The following COX7B2 variants were observed in gnomAD, a reference collection of about 807,000 sequenced individuals.
The protein encoded by COX7B2 is cytochrome c oxidase subunit 7B2.
For synonymous variants in COX7B2, 37 were observed against 32.1 expected, an observed-to-expected ratio of 1.15 and a Z score of -0.51; for missense variants, 109 against 95.9, an observed-to-expected ratio of 1.14 and a Z score of -0.57.
intron 2 of COX7B2, among the ~76,000 whole-genome samples, chr4:46,781,689 T>C (rs1256097517): frequency 1.3e-5 from 2 of 152,192 alleles, no homozygotes; most frequent in Non-Finnish European, 2.9e-5. Flanking sequence ...GGAGAGGGAA[T>C]GGTGGGAACC....
intron 2 of COX7B2, among the ~76,000 whole-genome samples, chr4:46,764,487 G>A (rs1716407947): frequency 6.6e-6 from 1 of 151,984 alleles, no homozygotes; most frequent in Non-Finnish European, 1.5e-5. Context: ...AGGTTGCAGT[G>A]AGCCGAGATC....
chr4:46,803,944 T>C (rs1270034177), intron 2 of COX7B2, among the ~76,000 whole-genome samples: 1 of 152,176 alleles, frequency 6.6e-6, no homozygotes. Flanking sequence ...GTTGTTGGTC[T>C]CACTGACTTC....
chr4:46,765,296 C>G (rs991095131), intron 2 of COX7B2, among the ~76,000 whole-genome samples: 1 of 150,492 alleles, frequency 6.6e-6, no homozygotes, highest in African/African-American at 2.4e-5. Context: ...CAAGCCTGTA[C>G]AGCATGGAGA....
At chr4:46,889,150 T>C (rs1719267349) in intron 1 of COX7B2, among the ~76,000 whole-genome samples, 1 of 151,728 alleles carries the variant, frequency 6.6e-6, no homozygotes, top group African/African-American at 2.4e-5. Context: ...AATGATAAAT[T>C]TAAAAAAATC....
At chr4:46,770,514 G>A (rs1462374699) in intron 2 of COX7B2, among the ~76,000 whole-genome samples, 2 of 151,908 alleles carry the variant, frequency 1.3e-5, no homozygotes, top group Admixed American at 1.3e-4. Flanking sequence ...GGAACCATAA[G>A]ATAAAAGAAT....
intron 2 of COX7B2, among the ~76,000 whole-genome samples, chr4:46,739,585 G>A (rs897379352): frequency 1.3e-5 from 2 of 152,068 alleles, no homozygotes; most frequent in Admixed American, 6.6e-5. Flanking sequence ...TTAGTTCACA[G>A]AGGAGGGGGC....
chr4:46,811,373 G>C (rs564708203), intron 2 of COX7B2, among the ~76,000 whole-genome samples: 1 of 151,306 alleles, frequency 6.6e-6, no homozygotes, highest in East Asian at 1.9e-4. Flanking sequence ...CATGTCAAAA[G>C]ACCTATACTG....
At chr4:46,829,950 A>T (rs1238040648) in intron 2 of COX7B2, among the ~76,000 whole-genome samples, 5 of 152,194 alleles carry the variant, frequency 3.3e-5, no homozygotes, top group African/African-American at 1.2e-4. Context: ...GTGAAGAAAT[A>T]ATTAAACGGA....
intron 1 of COX7B2, among the ~76,000 whole-genome samples, chr4:46,902,911 T>A (rs1489611305): frequency 1.3e-5 from 2 of 151,982 alleles, no homozygotes; most frequent in African/African-American, 2.4e-5. Context: ...AAATAAAAAA[T>A]TTGTAGTCAT....
chr4:46,839,857 A>C (rs928786135), intron 2 of COX7B2, among the ~76,000 whole-genome samples: 8 of 152,054 alleles, frequency 5.3e-5, no homozygotes, highest in African/African-American at 1.9e-4. Flanking sequence ...GTGGGTCTTA[A>C]TATATGGTTG....
At chr4:46,896,234 A>G (rs1348161454) in intron 1 of COX7B2, among the ~76,000 whole-genome samples, 1 of 152,194 alleles carries the variant, frequency 6.6e-6, no homozygotes, top group African/African-American at 2.4e-5. Context: ...TGGCATGCCC[A>G]TGAGACTGTC....
chr4:46,799,804 G>T (rs1186077914), intron 2 of COX7B2, among the ~76,000 whole-genome samples: 2 of 152,038 alleles, frequency 1.3e-5, no homozygotes, highest in African/African-American at 4.8e-5. Flanking sequence ...AAATTGTCCT[G>T]AAGTTTTATT....
chr4:46,768,657 A>G (rs549823375), intron 2 of COX7B2, among the ~76,000 whole-genome samples: 1 of 152,124 alleles, frequency 6.6e-6, no homozygotes, highest in Non-Finnish European at 1.5e-5. Context: ...CAAATAAACA[A>G]TCTAACTTTA....
chr4:46,863,942 G>A (rs1577671634), intron 1 of COX7B2, among the ~76,000 whole-genome samples: 1 of 152,108 alleles, frequency 6.6e-6, no homozygotes, highest in East Asian at 1.9e-4. Context: ...ATGTTTAATT[G>A]GCTATCGAAA....
intron 2 of COX7B2, among the ~76,000 whole-genome samples, chr4:46,751,596 A>G (rs1339165649): frequency 1.3e-5 from 2 of 152,150 alleles, no homozygotes; most frequent in African/African-American, 4.8e-5. Context: ...CAAGCTATTT[A>G]GCAACCACAA....
At chr4:46,809,100 G>A (rs1428643540) in intron 2 of COX7B2, among the ~76,000 whole-genome samples, 1 of 151,476 alleles carries the variant, frequency 6.6e-6, no homozygotes, top group African/African-American at 2.4e-5. Context: ...CCAATTTTTT[G>A]GCATTTAATT....
At chr4:46,818,367 C>T (rs1713990680) in intron 2 of COX7B2, among the ~76,000 whole-genome samples, 2 of 152,178 alleles carry the variant, frequency 1.3e-5, no homozygotes, top group Admixed American at 1.3e-4. Flanking sequence ...GGCGCCGTGG[C>T]TCACGCCTGT....
chr4:46,750,316 C>T (rs984370546), intron 2 of COX7B2, among the ~76,000 whole-genome samples: 1 of 151,782 alleles, frequency 6.6e-6, no homozygotes, highest in African/African-American at 2.4e-5. Flanking sequence ...ATTGCTTGAG[C>T]CCAGAAATTG....
intron 2 of COX7B2, among the ~76,000 whole-genome samples, chr4:46,830,647 T>A (rs1715018828): frequency 6.6e-6 from 1 of 152,198 alleles, no homozygotes; most frequent in Non-Finnish European, 1.5e-5. Context: ...CAATGCTAAC[T>A]GATATAATAG....
Sources: gnomAD v4.1 joint callset for allele counts (sites outside exome capture counted in the v4.1 genomes callset) on GRCh38, gnomAD v4.1.1 for gene constraint, MANE v1.5 for transcripts, NCBI Gene and HGNC (gene_info 2026-07-23, HGNC 2026-07-21) for gene names.